RIMS2: variants seen among roughly 807,000 people sequenced by gnomAD.
RIMS2 encodes regulating synaptic membrane exocytosis protein 2.
In RIMS2, 59 loss-of-function variants were observed where a neutral mutation model predicts 174.4. The ratio of observed to expected loss-of-function variants is 0.34; its 90% CI spans 0.27 to 0.42. The LOEUF is 0.42. RIMS2 is among the 10% of genes least tolerant of loss of function. The pLI is 1.00. For missense variants in RIMS2, 1,620 were observed against 1,666.3 expected, an observed-to-expected ratio of 0.97 and a Z score of 0.48; for synonymous variants, 606 against 572.5, an observed-to-expected ratio of 1.06 and a Z score of -0.84.
chr8:103,961,857 G>T (rs1037648735), intron 15 of RIMS2, among the ~76,000 whole-genome samples: 2 of 151,994 alleles, frequency 1.3e-5, no homozygotes, highest in Admixed American at 1.3e-4. Flanking sequence ...GCCAATTTTT[G>T]TTAAGAGTCA....
intron 1 of RIMS2, among the ~76,000 whole-genome samples, chr8:103,549,746 CAG>C (rs1846801056): frequency 6.6e-6 from 1 of 152,048 alleles, no homozygotes; most frequent in Non-Finnish European, 1.5e-5. Flanking sequence ...CATAGACACA[CAG>C]AGGCTCAAAA....
intron 16 of RIMS2, among the ~76,000 whole-genome samples, chr8:103,979,999 G>GTACTCAC (rs2093758956): frequency 1.3e-5 from 2 of 152,018 alleles, no homozygotes; most frequent in Admixed American, 1.3e-4. Flanking sequence ...AGGTAAACTG[G>GTACTCAC]AAAGGACACA....
intron 1 of RIMS2, among the ~76,000 whole-genome samples, chr8:103,547,487 A>G (rs1277138179): frequency 6.6e-6 from 1 of 152,248 alleles, no homozygotes; most frequent in African/African-American, 2.4e-5. Flanking sequence ...ACATACCAGA[A>G]TCTCTGGGAC....
intron 1 of RIMS2, among the ~76,000 whole-genome samples, chr8:103,516,711 A>G (rs1829161549): frequency 6.6e-6 from 1 of 152,180 alleles, no homozygotes; most frequent in Non-Finnish European, 1.5e-5. Context: ...GGGAAAATTA[A>G]AAATAAATGT....
chr8:103,909,973 C>CATATATATAGCACTCACTATATATAT (rs1554965777), intron 4 of RIMS2, among the ~76,000 whole-genome samples: 22 of 148,520 alleles, frequency 1.5e-4, no homozygotes, highest in Admixed American at 1.5e-3. Flanking sequence ...TTTCTTTTGG[C>CATATATATAGCACTCACTATATATAT]ATATATATAG....
intron 19 of RIMS2, among the ~76,000 whole-genome samples, chr8:104,083,424 A>G (rs111959627): frequency 6.6e-6 from 1 of 152,134 alleles, no homozygotes; most frequent in Non-Finnish European, 1.5e-5. Context: ...TTGGGATGCT[A>G]GCTTGCCACA....
At chr8:104,245,566 T>C (rs934481334) in intron 20 of RIMS2, among the ~76,000 whole-genome samples, 1 of 152,170 alleles carries the variant, frequency 6.6e-6, no homozygotes, top group South Asian at 2.1e-4. Flanking sequence ...TTTTACATAG[T>C]TATGAAGTAG....
chr8:103,770,049 C>T (rs1484559902), intron 3 of RIMS2, among the ~76,000 whole-genome samples: 2 of 152,226 alleles, frequency 1.3e-5, no homozygotes, highest in Admixed American at 1.3e-4. Flanking sequence ...GCAGATTATA[C>T]AGTAGTTAAT....
At chr8:103,782,757 TTCTG>T (rs775630342) in intron 3 of RIMS2, among the ~76,000 whole-genome samples, 4 of 152,152 alleles carry the variant, frequency 2.6e-5, no homozygotes, top group Non-Finnish European at 4.4e-5. Flanking sequence ...AACTGAGCAT[TTCTG>T]TCTATGTTTA....
chr8:103,787,516 C>G (rs2098454896), intron 3 of RIMS2, among the ~76,000 whole-genome samples: 1 of 151,750 alleles, frequency 6.6e-6, no homozygotes, highest in African/African-American at 2.4e-5. Flanking sequence ...TATTTTATTT[C>G]TCCTTCGCTT....
At chr8:104,161,208 T>C (rs746074713) in intron 19 of RIMS2, among the ~76,000 whole-genome samples, 3 of 152,180 alleles carry the variant, frequency 2.0e-5, no homozygotes, top group Non-Finnish European at 2.9e-5. Flanking sequence ...ATTAATGTAA[T>C]AGTGGAAATG....
chr8:104,093,355 T>C, intron 19 of RIMS2, 116 bp from the exon 24 acceptor site: 2 of 652,130 alleles, frequency 3.1e-6, no homozygotes, highest in South Asian at 2.6e-5. Flanking sequence ...TGCAACTGAG[T>C]GGGATTTTGC....
intron 15 of RIMS2, among the ~76,000 whole-genome samples, chr8:103,965,847 T>G (rs887961004): frequency 2.0e-5 from 3 of 152,132 alleles, no homozygotes; most frequent in Admixed American, 2.0e-4. Context: ...GAGTTTTTAG[T>G]AAATTCAGGA....
intron 19 of RIMS2, among the ~76,000 whole-genome samples, chr8:104,151,036 A>G (rs2134083951): frequency 6.6e-6 from 1 of 152,338 alleles, no homozygotes; most frequent in Middle Eastern, 3.4e-3. Flanking sequence ...GGATGAATTA[A>G]CAGAGAAGTA....
intron 3 of RIMS2, among the ~76,000 whole-genome samples, chr8:103,831,017 C>A (rs1488202584): frequency 1.3e-5 from 2 of 152,120 alleles, no homozygotes; most frequent in Non-Finnish European, 2.9e-5. Context: ...CTGTGTTTCC[C>A]AGTCTGGTCT....
chr8:103,772,381 A>C (rs2098263677), intron 3 of RIMS2, among the ~76,000 whole-genome samples: 1 of 152,046 alleles, frequency 6.6e-6, no homozygotes, highest in Admixed American at 6.6e-5. Context: ...ATTTAAAAAA[A>C]CTTTAAGACC....
chr8:103,742,378 T>C (rs1422800263), intron 2 of RIMS2, among the ~76,000 whole-genome samples: 3 of 152,152 alleles, frequency 2.0e-5, no homozygotes, highest in African/African-American at 4.8e-5. Context: ...TGCAAATGAC[T>C]AGAACCATAT....
At position 104,109,475 on chromosome 8, in the gene RIMS2, ACTGGGG is replaced by A. The variant is rs1386574264; in HGVS notation, c.3334+94861_3334+94866del. Among the ~76,000 whole-genome samples, 1,175 of 152,154 alleles carry A rather than the reference ACTGGGG, an allele frequency of 7.7e-3. 17 individuals are homozygous for A. Among genetic ancestry groups the A allele is most frequent in the African/African-American group, 0.027 (1,126 of 41,504 alleles). ...AAAATAAAAGCCACTCTCTTCACAT[ACTGGGG>A]ATAATAATAGTAATTTTTTTAGAGG... is the stretch of plus-strand genomic sequence containing the variant. On this transcript the variant is annotated intron_variant, in intron 19 of 23. Transcript: ENST00000504942.
At chr8:103,898,678 T>G (rs995653941) in intron 4 of RIMS2, among the ~76,000 whole-genome samples, 1 of 151,638 alleles carries the variant, frequency 6.6e-6, no homozygotes, top group Non-Finnish European at 1.5e-5. Context: ...TTTCAGAGGC[T>G]TAGGCTTGAC....
Sources: gnomAD v4.1 joint callset for allele counts (sites outside exome capture counted in the v4.1 genomes callset) on GRCh38, gnomAD v4.1.1 for gene constraint, MANE v1.5 for transcripts, NCBI Gene and HGNC (gene_info 2026-07-23, HGNC 2026-07-21) for gene names.